SRGAP2C: variants seen among roughly 807,000 people sequenced by gnomAD.
SRGAP2C encodes the protein SLIT-ROBO Rho GTPase activating protein 2C.
In SRGAP2C, 15 loss-of-function variants were observed where a neutral mutation model predicts 25.1. That is an observed-to-expected ratio of 0.60 (90% CI 0.40 to 0.92). The LOEUF is 0.92. SRGAP2C is among the 40% of genes least tolerant of loss of function. SRGAP2C has a pLI of 0.00. For missense variants in SRGAP2C, 144 were observed against 264.4 expected (o/e 0.54, Z 3.16); for synonymous variants, 44 against 96.6 (o/e 0.46, Z 3.19).
intron 3 of SRGAP2C, among the ~76,000 whole-genome samples, chr1:121,288,944 A>G (rs1657431268): frequency 8.4e-6 from 1 of 119,176 alleles, no homozygotes; most frequent in African/African-American, 3.3e-5. Context: ...ACAAACCTTG[A>G]GCTAAACACA....
chr1:121,259,651 T>C (rs1436703849), intron 2 of SRGAP2C, among the ~76,000 whole-genome samples: 5 of 151,682 alleles, frequency 3.3e-5, no homozygotes, highest in African/African-American at 1.2e-4. Context: ...CTAGATGCTT[T>C]ATTTCAGTCA....
At chr1:121,267,853 T>A (rs1345993453) in intron 2 of SRGAP2C, among the ~76,000 whole-genome samples, 1 of 150,350 alleles carries the variant, frequency 6.7e-6, no homozygotes, top group African/African-American at 2.4e-5. Context: ...GGTTTCCTTT[T>A]TTAATTTTTA....
intron 5 of SRGAP2C, among the ~76,000 whole-genome samples, chr1:121,371,995 G>T (rs1427068536): frequency 2.0e-5 from 3 of 152,042 alleles, no homozygotes; most frequent in South Asian, 2.1e-4. Flanking sequence ...AAAGCTGGGG[G>T]TCTGTTTGAA....
intron 2 of SRGAP2C, among the ~76,000 whole-genome samples, chr1:121,280,061 T>G (rs1304443538): frequency 6.6e-6 from 1 of 151,258 alleles, no homozygotes. Context: ...ATTCACTCTT[T>G]TAAAGTGTAC....
At chr1:121,270,230 A>G (rs1259135701) in intron 2 of SRGAP2C, among the ~76,000 whole-genome samples, 2 of 151,318 alleles carry the variant, frequency 1.3e-5, no homozygotes, top group African/African-American at 4.8e-5. Context: ...TTCTCCTAAT[A>G]TTCTTGGATC....
chr1:121,215,943 C>G (rs1655370880), intron 2 of SRGAP2C, among the ~76,000 whole-genome samples: 1 of 152,196 alleles, frequency 6.6e-6, no homozygotes, highest in Non-Finnish European at 1.5e-5. Context: ...TTGGCCATCC[C>G]TGGCCTCCAT....
chr1:121,322,088 G>A (rs1324580731), intron 3 of SRGAP2C, among the ~76,000 whole-genome samples: 3 of 149,686 alleles, frequency 2.0e-5, no homozygotes, highest in Non-Finnish European at 4.4e-5. Flanking sequence ...TTGAATTGTG[G>A]CATTATTTGT....
chr1:121,319,667 G>A (rs1658159262), intron 3 of SRGAP2C, among the ~76,000 whole-genome samples: 1 of 149,100 alleles, frequency 6.7e-6, no homozygotes, highest in African/African-American at 2.5e-5. Context: ...CATTTACAGT[G>A]ATAATGTCTT....
intron 4 of SRGAP2C, among the ~76,000 whole-genome samples, chr1:121,332,623 T>A (rs1658456459): frequency 4.7e-5 from 7 of 149,856 alleles, no homozygotes. Flanking sequence ...ACAGTCAGAT[T>A]TCTTTTGGCA....
At chr1:121,285,238 C>T (rs1268116739) in intron 3 of SRGAP2C, among the ~76,000 whole-genome samples, 6 of 151,070 alleles carry the variant, frequency 4.0e-5, no homozygotes, top group African/African-American at 1.2e-4. Flanking sequence ...AGCTCTGTTG[C>T]CAGGCATGTT....
chr1:121,259,498 A>C (rs1405486034), intron 2 of SRGAP2C, among the ~76,000 whole-genome samples: 1 of 131,250 alleles, frequency 7.6e-6, no homozygotes, highest in Non-Finnish European at 1.6e-5. Context: ...AGAGAAGAAA[A>C]TAGAGTAGAA....
In SRGAP2C at chr1:121,365,076, C is replaced by T. The variant is rs782029880; in HGVS notation, c.424-217C>T. 3.8e-4 allele frequency among the ~76,000 whole-genome samples: 32 copies of T among 84,822 alleles called. 9 individuals are homozygous for T. The highest frequency in any genetic ancestry group is 5.1e-4 in the African/African-American group (12 of 23,446). 55.6% of individuals were successfully genotyped at this position (84,822 alleles called of 152,430 possible). On this transcript the variant is annotated intron_variant, in intron 4 of 9. Coordinates refer to ENST00000367123, the MANE Select transcript of SRGAP2C (RefSeq NM_001329984.2). ...AAGGCTACCACCCTTTTTCCCTCTACGCAATTGCCTTTGCTAGGCACATTT... is the reference window on the plus strand; with the variant it reads ...AAGGCTACCACCCTTTTTCCCTCTATGCAATTGCCTTTGCTAGGCACATTT...
intron 3 of SRGAP2C, among the ~76,000 whole-genome samples, chr1:121,314,365 G>A (rs1417950926): frequency 1.0e-3 from 152 of 151,754 alleles, no homozygotes; most frequent in African/African-American, 3.6e-3. Flanking sequence ...TTTGCCTTTG[G>A]TTTGAATTTC....
intron 2 of SRGAP2C, among the ~76,000 whole-genome samples, chr1:121,203,850 G>A (rs1553322125): frequency 1.8e-5 from 2 of 109,262 alleles, no homozygotes; most frequent in African/African-American, 7.6e-5. Flanking sequence ...AGTCTCTGAA[G>A]ACTCATTCAG....
At chr1:121,305,223 C>G (rs1287649615) in intron 3 of SRGAP2C, among the ~76,000 whole-genome samples, 5 of 151,910 alleles carry the variant, frequency 3.3e-5, no homozygotes, top group African/African-American at 1.2e-4. Flanking sequence ...TCAGCATCAG[C>G]ATCTGCTCAG....
chr1:121,348,522 T>C (rs1658810866), intron 4 of SRGAP2C, among the ~76,000 whole-genome samples: 2 of 152,004 alleles, frequency 1.3e-5, no homozygotes, highest in African/African-American at 2.4e-5. Context: ...TTTTAACAGA[T>C]GGAATCACAA....
chr1:121,391,018 G>T lies in SRGAP2C; in HGVS notation c.*3163G>T, dbSNP rs1255259624. Reference sequence around the variant, plus strand: ...GTCGTGTCACTGCACTCCAGCCTGGGTGACAGAGTAAGACTCTGCCTAAAA... The same window carrying T: ...GTCGTGTCACTGCACTCCAGCCTGGTTGACAGAGTAAGACTCTGCCTAAAA... On this transcript the variant is annotated 3_prime_UTR_variant, in exon 10 of 10. Transcript: ENST00000367123. 1.0e-4 allele frequency: 10 copies of T among 95,646 alleles called. No homozygotes were observed. The highest frequency in any genetic ancestry group is 3.0e-4 in the South Asian group (1 of 3,330). The allele number at this position is 95,646 out of a possible 1,614,324, so 5.9% of individuals were successfully genotyped here. A position where few individuals can be genotyped will look rare whatever the true frequency, so the allele number is the denominator to read the frequency against.
At position 121,235,669 on chromosome 1, in the gene SRGAP2C, G is replaced by C. The variant is rs587601817; in HGVS notation, c.67+48156G>C. On this transcript the variant is annotated intron_variant, in intron 2 of 9. Coordinates refer to ENST00000367123, the MANE Select transcript of SRGAP2C (RefSeq NM_001329984.2). ...GAGGGGGTTCAAATATAAAATATAC[G>C]GGAAAGAAATATAATGAACCTCCAT... Among the ~76,000 whole-genome samples the C allele has an allele frequency of 1.1e-3, 68 of 59,258 alleles. 9 individuals carry two copies. The South Asian group carries it at 0.012, about 10-fold the overall frequency. The allele number at this position is 59,258 out of a possible 152,430, so 38.9% of individuals were successfully genotyped here.
At chr1:121,259,908 G>A (rs1300703249) in intron 2 of SRGAP2C, among the ~76,000 whole-genome samples, 3 of 129,824 alleles carry the variant, frequency 2.3e-5, no homozygotes, top group Admixed American at 8.4e-5. Context: ...AGGTTGGAGT[G>A]CAGTGGCACC....
Sources: gnomAD v4.1 joint callset for allele counts (sites outside exome capture counted in the v4.1 genomes callset) on GRCh38, gnomAD v4.1.1 for gene constraint, MANE v1.5 for transcripts, NCBI Gene and HGNC (gene_info 2026-07-23, HGNC 2026-07-21) for gene names.